Variants in CNTN1 observed in about 807,000 individuals in gnomAD.
CNTN1 encodes the protein contactin 1, also known as contactin-1.
Under a neutral mutation model 126.4 loss-of-function variants are expected in CNTN1, and 38 were observed. The ratio of observed to expected loss-of-function variants is 0.30; its 90% CI spans 0.23 to 0.39. The LOEUF (loss-of-function observed/expected upper bound fraction) is 0.39, where lower values mean the gene tolerates loss of function less well. Ranked by LOEUF, CNTN1 falls within the 10% of genes least tolerant of loss-of-function variation. CNTN1 has a pLI of 1.00. For synonymous variants in CNTN1, 413 were observed against 422.6 expected, an observed-to-expected ratio of 0.98 and a Z score of 0.28; for missense variants, 1,009 against 1,248.4, an observed-to-expected ratio of 0.81 and a Z score of 2.89.
At chr12:40,981,900 C>T (rs1419366049) in intron 16 of CNTN1, among the ~76,000 whole-genome samples, 1 of 150,276 alleles carries the variant, frequency 6.7e-6, no homozygotes, top group African/African-American at 2.5e-5. Flanking sequence ...AAATGAGACA[C>T]GAGTGTGTGA....
intron 1 of CNTN1, among the ~76,000 whole-genome samples, chr12:40,780,963 A>C (rs894278890): frequency 6.6e-6 from 1 of 151,506 alleles, no homozygotes; most frequent in Non-Finnish European, 1.5e-5. Context: ...TCATTAATGC[A>C]TCAGGCTTTC....
chr12:40,953,872 T>C (rs1486016580), intron 14 of CNTN1, among the ~76,000 whole-genome samples: 1 of 152,098 alleles, frequency 6.6e-6, no homozygotes, highest in Non-Finnish European at 1.5e-5. Flanking sequence ...GGAAAAAAGA[T>C]AGCAATTTCA....
rs1948510245 is a variant in CNTN1 at position 41,007,044 on chromosome 12, GGT to G, written c.2114-7183_2114-7182del. Among the ~76,000 whole-genome samples the G allele has an allele frequency of 1.9e-4, 24 of 123,484 alleles. 1 individual carries two copies. Among genetic ancestry groups the G allele is most frequent in the African/African-American group, 6.2e-4 (20 of 32,166 alleles). 81.0% of individuals were successfully genotyped at this position (123,484 alleles called of 152,430 possible). A position where few individuals can be genotyped will look rare whatever the true frequency, so the allele number is the denominator to read the frequency against. On this transcript the variant is annotated intron_variant, in intron 17 of 23. Coordinates refer to ENST00000551295, the MANE Select transcript of CNTN1 (RefSeq NM_001843.4). ...TTGGCAGTTAAAAGCAGTTTTGTGTGGTTTTTTTTTTTTTTTTTTTTTTTTTT... is the reference window on the plus strand; with the variant it reads ...TTGGCAGTTAAAAGCAGTTTTGTGTGTTTTTTTTTTTTTTTTTTTTTTTTT...
chr12:40,941,741 G>A (rs1265733330), intron 12 of CNTN1, among the ~76,000 whole-genome samples: 4 of 151,968 alleles, frequency 2.6e-5, no homozygotes, highest in Non-Finnish European at 5.9e-5. Context: ...TTATTCTGGA[G>A]TAATTTTGGT....
chr12:40,883,216 T>C (rs1206863841), intron 1 of CNTN1, among the ~76,000 whole-genome samples: 1 of 151,668 alleles, frequency 6.6e-6, no homozygotes, highest in African/African-American at 2.4e-5. Context: ...AATGATCTAA[T>C]TCAAGCAATG....
intron 17 of CNTN1, among the ~76,000 whole-genome samples, chr12:41,013,245 T>G (rs943608356): frequency 1.3e-5 from 2 of 152,146 alleles, no homozygotes; most frequent in African/African-American, 4.8e-5. Context: ...CTTCTTACTG[T>G]ACATGTGGCT....
chr12:40,910,034 T>C (rs1944971342), intron 2 of CNTN1, 39 bp from the exon 3 acceptor site: 2 of 1,494,366 alleles, frequency 1.3e-6, no homozygotes, highest in Admixed American at 3.3e-5. Flanking sequence ...ATTCAAATAA[T>C]TGCTTCAGGA....
intron 1 of CNTN1, among the ~76,000 whole-genome samples, chr12:40,843,122 C>T (rs1322830454): frequency 6.6e-6 from 1 of 152,078 alleles, no homozygotes; most frequent in Non-Finnish European, 1.5e-5. Flanking sequence ...CTCCTTTATG[C>T]CTTAGAAAAC....
intron 1 of CNTN1, among the ~76,000 whole-genome samples, chr12:40,822,678 A>G (rs1189840088): frequency 6.6e-6 from 1 of 152,158 alleles, no homozygotes; most frequent in Non-Finnish European, 1.5e-5. Flanking sequence ...TACCTTTAAG[A>G]AAGTTATTTA....
At chr12:40,833,506 C>G (rs1005388365) in intron 1 of CNTN1, among the ~76,000 whole-genome samples, 6 of 152,034 alleles carry the variant, frequency 3.9e-5, no homozygotes, top group Admixed American at 6.6e-5. Flanking sequence ...AATTTTAATA[C>G]AAACTAACAT....
chr12:40,814,043 G>A (rs1304980012), intron 1 of CNTN1, among the ~76,000 whole-genome samples: 1 of 152,028 alleles, frequency 6.6e-6, no homozygotes, highest in African/African-American at 2.4e-5. Flanking sequence ...TGATGGTGCT[G>A]TTTGTCTTTT....
intron 1 of CNTN1, among the ~76,000 whole-genome samples, chr12:40,809,518 A>AATAT (rs150881007): frequency 7.2e-5 from 11 of 151,864 alleles, no homozygotes; most frequent in Admixed American, 3.3e-4. Flanking sequence ...GAATGGAAAG[A>AATAT]ATATATATAT....
intron 17 of CNTN1, among the ~76,000 whole-genome samples, chr12:41,000,284 ATAT>A (rs1948324514): frequency 6.6e-6 from 1 of 152,182 alleles, no homozygotes; most frequent in African/African-American, 2.4e-5. Context: ...TTGCAGTATA[ATAT>A]TTTAGAGTTA....
chr12:41,003,236 G>A (rs1172809700), intron 17 of CNTN1, among the ~76,000 whole-genome samples: 2 of 152,120 alleles, frequency 1.3e-5, no homozygotes, highest in Non-Finnish European at 2.9e-5. Context: ...TTTATGTGAT[G>A]AATCACATTT....
At chr12:40,742,709 C>T (rs1041964140) in intron 1 of CNTN1, among the ~76,000 whole-genome samples, 1 of 151,888 alleles carries the variant, frequency 6.6e-6, no homozygotes, top group African/African-American at 2.4e-5. Context: ...AGAGACCTGT[C>T]AGCCTTTGCT....
intron 21 of CNTN1, among the ~76,000 whole-genome samples, chr12:41,026,652 G>C (rs1949043032): frequency 1.3e-5 from 2 of 152,166 alleles, no homozygotes; most frequent in Admixed American, 1.3e-4. Context: ...GAGTAAGGAG[G>C]GGGAAGTGTT....
intron 1 of CNTN1, among the ~76,000 whole-genome samples, chr12:40,866,515 T>C (rs1354905702): frequency 6.6e-6 from 1 of 152,160 alleles, no homozygotes; most frequent in East Asian, 1.9e-4. Flanking sequence ...ATTTTTATTA[T>C]AAAAAGTGTT....
intron 23 of CNTN1, among the ~76,000 whole-genome samples, chr12:41,040,622 TCCTTCACGTC>T (rs1949381221): frequency 6.6e-6 from 1 of 151,976 alleles, no homozygotes; most frequent in South Asian, 2.1e-4. Flanking sequence ...CTTGAAGAGG[TCCTTCACGTC>T]CCTTGTAAGT....
chr12:40,948,296 A>T (rs1946516271), intron 14 of CNTN1, among the ~76,000 whole-genome samples: 10 of 65,978 alleles, frequency 1.5e-4, no homozygotes, highest in Admixed American at 2.4e-4. Flanking sequence ...CACAGATCTC[A>T]TTTTTCACAA....
Sources: allele counts gnomAD v4.1 joint callset (sites outside exome capture counted in the v4.1 genomes callset), GRCh38; gene constraint gnomAD v4.1.1; transcripts MANE v1.5; gene names NCBI Gene and HGNC (gene_info 2026-07-23, HGNC 2026-07-21).